PTPRG: variants seen among roughly 807,000 people sequenced by gnomAD.
PTPRG encodes receptor-type tyrosine-protein phosphatase gamma.
Under a neutral mutation model 165.3 loss-of-function variants are expected in PTPRG, and 102 were observed. The observed-to-expected ratio is 0.62, with a 90% CI of 0.53 to 0.73. The LOEUF (loss-of-function observed/expected upper bound fraction) is 0.73. PTPRG is among the 30% of genes least tolerant of loss of function. PTPRG has a pLI of 0.00. For synonymous variants in PTPRG, 675 were observed against 669.5 expected (o/e 1.01, Z -0.13); for missense variants, 1,866 against 1,861.4 (o/e 1.00, Z -0.05).
chr3:61,672,012 T>G, intron 1 of PTPRG, among the ~76,000 whole-genome samples: 1 of 106,992 alleles, frequency 9.3e-6, no homozygotes, highest in Non-Finnish European at 1.9e-5. Flanking sequence ...ACGGGGCGGT[T>G]GCCAGGCAGA....
intron 4 of PTPRG, among the ~76,000 whole-genome samples, chr3:62,005,269 C>T (rs2041268558): frequency 6.6e-6 from 1 of 152,176 alleles, no homozygotes; most frequent in African/African-American, 2.4e-5. Context: ...TGGTTCTCTT[C>T]CACCCTTAAA....
chr3:62,110,740 A>G (rs910689994), intron 5 of PTPRG, among the ~76,000 whole-genome samples: 6 of 152,202 alleles, frequency 3.9e-5, no homozygotes, highest in African/African-American at 1.4e-4. Flanking sequence ...TTCTAAGAGC[A>G]TGAGCGTTCA....
At chr3:61,572,491 T>C (rs981625852) in intron 1 of PTPRG, among the ~76,000 whole-genome samples, 2 of 152,210 alleles carry the variant, frequency 1.3e-5, no homozygotes, top group Non-Finnish European at 2.9e-5. Flanking sequence ...TCTGGAATTC[T>C]ACAGATGTTC....
intron 1 of PTPRG, among the ~76,000 whole-genome samples, chr3:61,683,958 T>C (rs1703536164): frequency 6.6e-6 from 1 of 152,210 alleles, no homozygotes; most frequent in African/African-American, 2.4e-5. Context: ...TGGTAACATT[T>C]AGAAATGTGT....
intron 5 of PTPRG, among the ~76,000 whole-genome samples, chr3:62,102,339 A>G (rs190173856): frequency 6.6e-6 from 1 of 152,090 alleles, no homozygotes; most frequent in East Asian, 1.9e-4. Flanking sequence ...CAGTGGCGCA[A>G]TCTTGGCTCA....
chr3:62,144,739 C>G (rs990641420), intron 6 of PTPRG, among the ~76,000 whole-genome samples: 2 of 152,156 alleles, frequency 1.3e-5, no homozygotes, highest in African/African-American at 2.4e-5. Context: ...GCATCAGAAC[C>G]ACCACCATAG....
In PTPRG at chr3:62,205,345, G is replaced by A. The variant is rs996328321; in HGVS notation, c.2155+1395G>A. On this transcript the variant is annotated intron_variant, in intron 12 of 29. Coordinates refer to ENST00000474889, the MANE Select transcript of PTPRG (RefSeq NM_002841.4). ...AGTTGAATTTCTTGCATTTGAAGAC[G>A]CTGAAGAAACATGTACGGAATGCCC... Among the ~76,000 whole-genome samples the A allele has an allele frequency of 3.9e-5, 6 of 152,120 alleles. 1 individual carries two copies. The highest frequency in any genetic ancestry group is 2.1e-4 in the South Asian group (1 of 4,824).
intron 2 of PTPRG, among the ~76,000 whole-genome samples, chr3:61,909,289 G>A (rs1404315785): frequency 1.3e-5 from 2 of 152,170 alleles, no homozygotes; most frequent in African/African-American, 2.4e-5. Flanking sequence ...CTCTAGATAG[G>A]TGTACCCTTT....
intron 4 of PTPRG, among the ~76,000 whole-genome samples, chr3:62,056,285 A>G (rs1002834444): frequency 7.2e-5 from 11 of 152,212 alleles, no homozygotes; most frequent in African/African-American, 2.7e-4. Context: ...TTCTGTACAA[A>G]GGGTATAGGA....
intron 5 of PTPRG, among the ~76,000 whole-genome samples, chr3:62,107,746 G>A (rs758495756): frequency 3.9e-5 from 6 of 152,154 alleles, no homozygotes; most frequent in Non-Finnish European, 7.4e-5. Context: ...ACTCATATTT[G>A]TTGATTCATC....
rs556607947 is a variant in PTPRG, at chr3:61,568,121, A to G, written c.85+5749A>G. 3.9e-5 allele frequency among the ~76,000 whole-genome samples: 6 copies of G among 152,292 alleles called. No homozygotes were observed. The South Asian group carries it at 1.0e-3, about 26-fold the overall frequency. On this transcript the variant is annotated intron_variant, in intron 1 of 29. Transcript: ENST00000474889. Reference sequence around the variant, plus strand: ...AAAAGAGTTATCGGACTTGGCTTTGACTTATTTTTGGTATTGTGTTTATGT... The same window carrying G: ...AAAAGAGTTATCGGACTTGGCTTTGGCTTATTTTTGGTATTGTGTTTATGT...
chr3:61,963,003 G>T (rs1287708851), intron 2 of PTPRG, among the ~76,000 whole-genome samples: 1 of 152,098 alleles, frequency 6.6e-6, no homozygotes, highest in Non-Finnish European at 1.5e-5. Flanking sequence ...CCATGTTGGT[G>T]AATTCTATAT....
At chr3:61,607,350 G>A (rs566404969) in intron 1 of PTPRG, among the ~76,000 whole-genome samples, 28 of 152,078 alleles carry the variant, frequency 1.8e-4, no homozygotes, top group Non-Finnish European at 3.5e-4. Context: ...ATATTGTCCC[G>A]AGAAAATGCC....
chr3:62,055,622 A>G (rs934759542), intron 4 of PTPRG, among the ~76,000 whole-genome samples: 14 of 152,222 alleles, frequency 9.2e-5, no homozygotes, highest in Admixed American at 7.2e-4. Context: ...TGGAGGCTCC[A>G]CATCTGAGAT....
intron 4 of PTPRG, among the ~76,000 whole-genome samples, chr3:62,074,830 T>C (rs1701331707): frequency 1.3e-5 from 2 of 152,074 alleles, no homozygotes; most frequent in African/African-American, 4.8e-5. Context: ...GAGGATAAAA[T>C]TGATGGTAGC....
chr3:62,092,945 A>G (rs1701990629), intron 5 of PTPRG, among the ~76,000 whole-genome samples: 2 of 152,180 alleles, frequency 1.3e-5, no homozygotes, highest in South Asian at 2.1e-4. Context: ...ATGTGTTACT[A>G]TTTTCTGTTT....
intron 17 of PTPRG, chr3:62,263,578 A>C (rs972854256): frequency 6.6e-6 from 1 of 152,472 alleles, no homozygotes; most frequent in African/African-American, 2.4e-5. Flanking sequence ...AGATATTTAT[A>C]GTTAACATAT....
At chr3:61,835,530 C>T (rs1329797918) in intron 2 of PTPRG, among the ~76,000 whole-genome samples, 1 of 151,942 alleles carries the variant, frequency 6.6e-6, no homozygotes, top group Non-Finnish European at 1.5e-5. Context: ...GATGGGATTT[C>T]ACCATGTTGG....
At chr3:61,747,758 A>G (rs1318566671) in intron 1 of PTPRG, among the ~76,000 whole-genome samples, 1 of 152,168 alleles carries the variant, frequency 6.6e-6, no homozygotes, top group African/African-American at 2.4e-5. Flanking sequence ...TTTGTCTTCA[A>G]TTGAATATAC....
Sources: gnomAD v4.1 joint callset for allele counts (sites outside exome capture counted in the v4.1 genomes callset) on GRCh38, gnomAD v4.1.1 for gene constraint, MANE v1.5 for transcripts, NCBI Gene and HGNC (gene_info 2026-07-23, HGNC 2026-07-21) for gene names.